The following VPS13B variants were observed in gnomAD, a reference collection of about 807,000 sequenced individuals.
VPS13B encodes the protein intermembrane lipid transfer protein VPS13B.
In VPS13B, 285 loss-of-function variants were observed where a neutral mutation model predicts 426.4. That is an observed-to-expected ratio of 0.67 (90% CI 0.61 to 0.74). The LOEUF (loss-of-function observed/expected upper bound fraction) is 0.74, where lower values mean the gene tolerates loss of function less well. VPS13B is among the 30% of genes least tolerant of loss of function. The pLI, the probability that VPS13B is intolerant of heterozygous loss-of-function variation, is 0.00. For synonymous variants in VPS13B, 1,676 were observed against 1,676.4 expected (o/e 1.00, Z 0.01); for missense variants, 4,537 against 4,782.6 (o/e 0.95, Z 1.51).
At chr8:99,245,508 T>C (rs2132900594) in intron 17 of VPS13B, among the ~76,000 whole-genome samples, 1 of 152,338 alleles carries the variant, frequency 6.6e-6, no homozygotes, top group East Asian at 1.9e-4. Flanking sequence ...GCTGATTTCT[T>C]TTAGTCATAA....
chr8:99,428,128 A>G (rs1441861660), intron 21 of VPS13B, among the ~76,000 whole-genome samples: 1 of 152,196 alleles, frequency 6.6e-6, no homozygotes, highest in African/African-American at 2.4e-5. Flanking sequence ...CCTTATACAA[A>G]AATTAATTCA....
At chr8:99,656,690 G>A (rs1041814876) in intron 34 of VPS13B, among the ~76,000 whole-genome samples, 109 of 152,252 alleles carry the variant, frequency 7.2e-4, no homozygotes, top group African/African-American at 2.5e-3. Context: ...AACTTGAGCC[G>A]TTTCTCTGGG....
chr8:99,029,737 C>G (rs149383023), intron 2 of VPS13B, among the ~76,000 whole-genome samples: 29 of 147,456 alleles, frequency 2.0e-4, no homozygotes, highest in African/African-American at 7.3e-4. Context: ...TACAGTCCAG[C>G]TTTGGCTCGG....
At chr8:99,433,743 T>G (rs1331555760) in intron 22 of VPS13B, among the ~76,000 whole-genome samples, 1 of 152,148 alleles carries the variant, frequency 6.6e-6, no homozygotes, top group African/African-American at 2.4e-5. Context: ...GGAGAAAGCT[T>G]TAGTGTGTTT....
chr8:99,223,075 G>T (rs768990229), intron 17 of VPS13B, among the ~76,000 whole-genome samples: 3 of 152,140 alleles, frequency 2.0e-5, no homozygotes, highest in Non-Finnish European at 4.4e-5. Context: ...TGATCCGCCT[G>T]TCTTGGCCTC....
At chr8:99,374,666 T>C (rs1813382827) in intron 19 of VPS13B, among the ~76,000 whole-genome samples, 1 of 152,212 alleles carries the variant, frequency 6.6e-6, no homozygotes, top group Admixed American at 6.5e-5. Flanking sequence ...AATACATGCC[T>C]CTTCTTTTGT....
intron 24 of VPS13B, among the ~76,000 whole-genome samples, chr8:99,476,503 C>T (rs560884453): frequency 2.6e-4 from 39 of 151,360 alleles, no homozygotes; most frequent in African/African-American, 8.7e-4. Context: ...ACGCAAAGAA[C>T]GCCATATCTA....
intron 2 of VPS13B, among the ~76,000 whole-genome samples, chr8:99,034,127 C>A (rs1293656409): frequency 6.6e-6 from 1 of 152,166 alleles, no homozygotes; most frequent in Non-Finnish European, 1.5e-5. Context: ...TCTTCTCCCC[C>A]AGGAGATGGT....
At chr8:99,517,911 A>G (rs1239580819) in intron 29 of VPS13B, among the ~76,000 whole-genome samples, 1 of 151,986 alleles carries the variant, frequency 6.6e-6, no homozygotes, top group Admixed American at 6.6e-5. Context: ...GTATAAATAC[A>G]TATTTTTATT....
intron 17 of VPS13B, chr8:99,209,909 A>T: frequency 1.6e-5 from 4 of 256,048 alleles, no homozygotes; most frequent in Non-Finnish European, 2.4e-5. Flanking sequence ...CGTACTCAAA[A>T]TTTTTTTTTT....
chr8:99,355,363 C>A (rs527779414), intron 19 of VPS13B, among the ~76,000 whole-genome samples: 1 of 152,084 alleles, frequency 6.6e-6, no homozygotes, highest in Non-Finnish European at 1.5e-5. Context: ...GAGGCCGAGG[C>A]GGGTAGATCA....
chr8:99,029,462 A>C (rs1382539462), intron 2 of VPS13B, among the ~76,000 whole-genome samples: 2 of 152,032 alleles, frequency 1.3e-5, no homozygotes, highest in Non-Finnish European at 2.9e-5. Flanking sequence ...AGATCACGCC[A>C]CTGCACTCCA....
chr8:99,389,710 A>G (rs555075930), intron 20 of VPS13B: 1 of 152,320 alleles, frequency 6.6e-6, no homozygotes, highest in South Asian at 2.1e-4. Flanking sequence ...GAGGTGGAAG[A>G]AAATCCACAT....
In VPS13B at chr8:99,641,828, G is replaced by GA. The variant is rs752399634; in HGVS notation, c.5244dup (p.Val1749SerfsTer5). 37 of 1,610,936 alleles carry GA rather than the reference G, an allele frequency of 2.3e-5. No homozygotes were observed. The highest frequency in any genetic ancestry group is 3.3e-5 in the Admixed American group (2 of 59,738). ...TCTTACAGATCTCTAAACAAGAACAGAAAAAAGTGGATATATTTGATGGAG... is the reference window on the plus strand; with the variant it reads ...TCTTACAGATCTCTAAACAAGAACAGAAAAAAAGTGGATATATTTGATGGAG... On this transcript the variant is annotated frameshift_variant, in exon 34 of 62. Coordinates refer to ENST00000357162, the MANE Select transcript of VPS13B (RefSeq NM_152564.5). LOFTEE classifies it high-confidence loss of function.
chr8:99,087,777 C>T (rs924428594), intron 3 of VPS13B, among the ~76,000 whole-genome samples: 1 of 151,922 alleles, frequency 6.6e-6, no homozygotes, highest in Non-Finnish European at 1.5e-5. Flanking sequence ...TAAATGAGTC[C>T]TAAGTCTTTA....
chr8:99,466,407 G>C (rs572583360), intron 23 of VPS13B, among the ~76,000 whole-genome samples: 3 of 151,996 alleles, frequency 2.0e-5, no homozygotes, highest in Admixed American at 2.0e-4. Context: ...GTACTGACAA[G>C]CACTAGTAGA....
chr8:99,022,694 A>C (rs185188470), intron 2 of VPS13B, among the ~76,000 whole-genome samples: 115 of 152,254 alleles, frequency 7.6e-4, no homozygotes, highest in African/African-American at 2.7e-3. Flanking sequence ...CAGTTACTAG[A>C]TGATGAGGTA....
intron 19 of VPS13B, among the ~76,000 whole-genome samples, chr8:99,280,767 C>T (rs1176293329): frequency 1.3e-5 from 2 of 152,114 alleles, no homozygotes; most frequent in Admixed American, 6.5e-5. Context: ...CTCCCATTTC[C>T]TGGTCTGATT....
chr8:99,029,755 GGGAGACCGTGGAA>G (rs1210977827), intron 2 of VPS13B, among the ~76,000 whole-genome samples: 10 of 151,488 alleles, frequency 6.6e-5, no homozygotes, highest in East Asian at 2.0e-4. Context: ...CGGCATCAGA[GGGAGACCGTGGAA>G]GGAGACCGTG....
Sources: allele counts gnomAD v4.1 joint callset (sites outside exome capture counted in the v4.1 genomes callset), GRCh38; gene constraint gnomAD v4.1.1; transcripts MANE v1.5; gene names NCBI Gene and HGNC (gene_info 2026-07-23, HGNC 2026-07-21).